The following FAM135B variants were observed in gnomAD, a reference collection of about 807,000 sequenced individuals.
The protein encoded by FAM135B is protein FAM135B.
Under a neutral mutation model 127.7 loss-of-function variants are expected in FAM135B, and 43 were observed. The observed-to-expected ratio is 0.34, with a 90% CI of 0.26 to 0.43. The LOEUF is 0.43. FAM135B is among the 20% of genes least tolerant of loss of function. FAM135B has a pLI of 1.00. For synonymous variants in FAM135B, 670 were observed against 665.1 expected (o/e 1.01, Z -0.11); for missense variants, 1,558 against 1,725.6 (o/e 0.90, Z 1.72).
intron 12 of FAM135B, among the ~76,000 whole-genome samples, chr8:138,158,244 C>A (rs1818968225): frequency 6.6e-6 from 1 of 152,214 alleles, no homozygotes. Context: ...ACTGGCTAGC[C>A]ATATGTATAA....
chr8:138,406,046 C>T (rs1471536027), intron 1 of FAM135B, among the ~76,000 whole-genome samples: 1 of 2,160 alleles, frequency 4.6e-4, no homozygotes, highest in Admixed American at 9.4e-3. Context: ...CCTTTGCCTA[C>T]TTTTTGATGG....
intron 1 of FAM135B, among the ~76,000 whole-genome samples, chr8:138,404,458 GACA>G (rs1833337549): frequency 6.6e-6 from 1 of 152,144 alleles, no homozygotes; most frequent in Non-Finnish European, 1.5e-5. Flanking sequence ...CTTAAAATAA[GACA>G]ACAATGAAGT....
At chr8:138,206,430 G>C (rs79630896) in intron 7 of FAM135B, among the ~76,000 whole-genome samples, 2 of 20,372 alleles carry the variant, frequency 9.8e-5, no homozygotes, top group African/African-American at 4.0e-4. Context: ...CCTACACACA[G>C]CTCTATCATC....
At chr8:138,177,269 A>T in intron 11 of FAM135B, 78 bp downstream of exon 11, 1 of 1,327,162 alleles carries the variant, frequency 7.5e-7, no homozygotes, top group African/African-American at 1.4e-5. Flanking sequence ...TTCCAGTGAG[A>T]AAGTGAAGAG....
chr8:138,437,718 G>T, intron 1 of FAM135B: 1 of 152,170 alleles, frequency 6.6e-6, no homozygotes, highest in Non-Finnish European at 1.5e-5. Context: ...GCTGTAAAGT[G>T]AGGATAAATC....
At chr8:138,406,569 G>A (rs1366701275) in intron 1 of FAM135B, among the ~76,000 whole-genome samples, 2 of 152,078 alleles carry the variant, frequency 1.3e-5, no homozygotes, top group African/African-American at 4.8e-5. Flanking sequence ...CCATGATCAA[G>A]TGGGCTTCAT....
chr8:138,447,005 G>C (rs1444277739), intron 1 of FAM135B, among the ~76,000 whole-genome samples: 1 of 152,136 alleles, frequency 6.6e-6, no homozygotes, highest in Non-Finnish European at 1.5e-5. Flanking sequence ...GATATGAACA[G>C]ACACTTCTCT....
chr8:138,479,494 G>C (rs1330812644), intron 1 of FAM135B, among the ~76,000 whole-genome samples: 2 of 152,140 alleles, frequency 1.3e-5, no homozygotes, highest in Admixed American at 6.5e-5. Flanking sequence ...AATCACAAAA[G>C]TTGCTACTTT....
chr8:138,463,941 G>C (rs1837259957), intron 1 of FAM135B, among the ~76,000 whole-genome samples: 1 of 152,170 alleles, frequency 6.6e-6, no homozygotes, highest in Admixed American at 6.5e-5. Flanking sequence ...TAGCAAGTAT[G>C]CTGCATTTTT....
At chr8:138,423,908 T>C (rs1238706280) in intron 1 of FAM135B, among the ~76,000 whole-genome samples, 1 of 152,172 alleles carries the variant, frequency 6.6e-6, no homozygotes, top group Admixed American at 6.5e-5. Context: ...TTCTCAGGGA[T>C]GTTCCTTGCT....
At chr8:138,189,068 C>G (rs535438783) in intron 9 of FAM135B, among the ~76,000 whole-genome samples, 24 of 152,308 alleles carry the variant, frequency 1.6e-4, no homozygotes, top group Middle Eastern at 3.4e-3. Context: ...GCCCCACCCC[C>G]CATCCTATGC....
intron 1 of FAM135B, among the ~76,000 whole-genome samples, chr8:138,483,412 A>C (rs1814863905): frequency 1.3e-5 from 2 of 152,192 alleles, no homozygotes; most frequent in South Asian, 4.1e-4. Context: ...GGTCTTAGCC[A>C]AGCTGCTGTG....
chr8:138,382,952 G>A (rs1324860826), intron 1 of FAM135B, among the ~76,000 whole-genome samples: 2 of 152,162 alleles, frequency 1.3e-5, no homozygotes, highest in Non-Finnish European at 2.9e-5. Context: ...AAGATGGATA[G>A]AGAGGATGGA....
At chr8:138,302,693 G>A (rs1825976309) in intron 3 of FAM135B, among the ~76,000 whole-genome samples, 1 of 152,192 alleles carries the variant, frequency 6.6e-6, no homozygotes, top group Admixed American at 6.5e-5. Flanking sequence ...CCTGAGCCCT[G>A]AGTCCCTGGG....
At chr8:138,465,689 G>C (rs1427563921) in intron 1 of FAM135B, among the ~76,000 whole-genome samples, 1 of 152,118 alleles carries the variant, frequency 6.6e-6, no homozygotes, top group East Asian at 1.9e-4. Context: ...TCTCAGCTGA[G>C]TGTGACTTGT....
At chr8:138,165,142 C>T (rs543959116) in intron 12 of FAM135B, among the ~76,000 whole-genome samples, 8 of 147,026 alleles carry the variant, frequency 5.4e-5, no homozygotes, top group Admixed American at 2.7e-4. Context: ...TTTTTTGAGA[C>T]GGAGTTTCAC....
At chr8:138,429,383 T>C (rs1835074728) in intron 1 of FAM135B, among the ~76,000 whole-genome samples, 1 of 152,200 alleles carries the variant, frequency 6.6e-6, no homozygotes, top group Non-Finnish European at 1.5e-5. Flanking sequence ...CCATTATTGC[T>C]GCTATCCTTG....
At chr8:138,403,489 T>C (rs1378492670) in intron 1 of FAM135B, among the ~76,000 whole-genome samples, 1 of 152,204 alleles carries the variant, frequency 6.6e-6, no homozygotes, top group African/African-American at 2.4e-5. Flanking sequence ...TCTGCTGCTA[T>C]GAAATATAAA....
intron 1 of FAM135B, among the ~76,000 whole-genome samples, chr8:138,470,566 A>C (rs1253155031): frequency 2.0e-5 from 3 of 152,198 alleles, no homozygotes; most frequent in Non-Finnish European, 4.4e-5. Flanking sequence ...TTCGTTGTGT[A>C]ATTATCAGTA....
Sources: allele counts gnomAD v4.1 joint callset (sites outside exome capture counted in the v4.1 genomes callset), GRCh38; gene constraint gnomAD v4.1.1; transcripts MANE v1.5; gene names NCBI Gene and HGNC (gene_info 2026-07-23, HGNC 2026-07-21).